Variants in SGSM3 observed in about 807,000 individuals in gnomAD.
SGSM3 encodes the protein RUN and SH3 containing 3.
A neutral mutation model predicts 100.5 loss-of-function variants in SGSM3; 96 were observed. The ratio of observed to expected loss-of-function variants is 0.96; its 90% CI spans 0.81 to 1.13. The LOEUF (loss-of-function observed/expected upper bound fraction) is 1.13, where lower values mean the gene tolerates loss of function less well. Ranked by LOEUF, SGSM3 falls within the 50% of genes most tolerant of loss-of-function variation. SGSM3 has a pLI of 0.00. For missense variants in SGSM3, 1,001 were observed against 1,015.8 expected (o/e 0.99, Z 0.20); for synonymous variants, 483 against 422.8 (o/e 1.14, Z -1.75).
intron 1 of SGSM3, among the ~76,000 whole-genome samples, chr22:40,397,274 A>G (rs2050166813): frequency 6.6e-6 from 1 of 152,162 alleles, no homozygotes; most frequent in Non-Finnish European, 1.5e-5. Context: ...CAGACTCTAT[A>G]TCCAGAATCT....
At chr22:40,384,444 C>A (rs899894347) in intron 1 of SGSM3, among the ~76,000 whole-genome samples, 1 of 151,970 alleles carries the variant, frequency 6.6e-6, no homozygotes, top group Non-Finnish European at 1.5e-5. Flanking sequence ...TAGGGAGACC[C>A]CCATCTCCAA....
intron 3 of SGSM3, 30 bp from the exon 4 acceptor site, chr22:40,402,109 C>A: frequency 6.3e-7 from 1 of 1,577,194 alleles, no homozygotes; most frequent in Non-Finnish European, 8.7e-7. Flanking sequence ...AGGGGACAGG[C>A]AACTGACTTC....
At chr22:40,395,599 G>T (rs2049938727) in intron 1 of SGSM3, among the ~76,000 whole-genome samples, 1 of 152,306 alleles carries the variant, frequency 6.6e-6, no homozygotes, top group South Asian at 2.1e-4. Context: ...TGGGATTACA[G>T]GTATGAGCCA....
At chr22:40,380,291 A>G (rs960596222) in intron 1 of SGSM3, among the ~76,000 whole-genome samples, 6 of 151,958 alleles carry the variant, frequency 3.9e-5, no homozygotes, top group African/African-American at 1.5e-4. Flanking sequence ...ATCAGTAAAC[A>G]TTCTGGCATT....
At chr22:40,406,369 G>T in intron 9 of SGSM3, 69 bp from the exon 10 acceptor site, 1 of 1,494,898 alleles carries the variant, frequency 6.7e-7, no homozygotes, top group East Asian at 2.4e-5. Flanking sequence ...GATGGGGGTT[G>T]GGGTCAGCTC....
chr22:40,375,713 TCTCTAGATATCTAA>T (rs1222789777), intron 1 of SGSM3, among the ~76,000 whole-genome samples: 1 of 151,936 alleles, frequency 6.6e-6, no homozygotes, highest in African/African-American at 2.4e-5. Context: ...TTCTCACCCT[TCTCTAGATATCTAA>T]TTAGCCTGCA....
intron 1 of SGSM3, among the ~76,000 whole-genome samples, chr22:40,371,468 TA>T (rs1462772486): frequency 2.6e-5 from 4 of 152,216 alleles, no homozygotes; most frequent in African/African-American, 9.6e-5. Flanking sequence ...TCTTTCTTAG[TA>T]AATTCAAGTC....
intron 1 of SGSM3, among the ~76,000 whole-genome samples, chr22:40,379,923 G>T (rs956018484): frequency 6.6e-6 from 1 of 152,032 alleles, no homozygotes; most frequent in African/African-American, 2.4e-5. Flanking sequence ...GTTGCCCAGG[G>T]TGGTCTCAAA....
At chr22:40,382,536 A>G (rs964901921) in intron 1 of SGSM3, among the ~76,000 whole-genome samples, 3 of 152,094 alleles carry the variant, frequency 2.0e-5, no homozygotes, top group African/African-American at 7.2e-5. Flanking sequence ...GGTGTGTTCT[A>G]AGAGCTAACC....
Position 40,404,434 on chromosome 22 carries a change from C to T in SGSM3, c.345C>T (p.Ile115=). The T allele has an allele frequency of 6.2e-7, 1 of 1,604,930 alleles. No individual in the cohort carries two copies. Among genetic ancestry groups the T allele is most frequent in the Non-Finnish European group, 8.5e-7 (1 of 1,174,932 alleles). The change falls in exon 5 of 22, where the codon ATC becomes ATT. Residue 115 remains isoleucine (I), a synonymous_variant. Transcript: ENST00000248929. ...TCCGCTCCCTGGTGCTGGCCGGCAT[C>T]CCACATGGCATGAGGCCACAGGTAA... ...EKLRSLVLAG[I]PHGMRPQLWM...
Position 40,409,238 on chromosome 22 carries a change from C to A in SGSM3, c.1989-12C>A. ...AGCTGCCCCTGCTCCCCACTCCTGG[C>A]CATGTCCCCAGTGAGCAGGTGCTGC... On this transcript the variant is annotated splice_polypyrimidine_tract_variant and intron_variant, in intron 19 of 21. Transcript: ENST00000248929. The A allele has an allele frequency of 6.3e-7, 1 of 1,594,630 alleles. No homozygotes were observed. Among genetic ancestry groups the A allele is most frequent in the Non-Finnish European group, 8.5e-7 (1 of 1,173,424 alleles).
intron 1 of SGSM3, among the ~76,000 whole-genome samples, chr22:40,371,200 G>A (rs1601622347): frequency 6.6e-6 from 1 of 152,244 alleles, no homozygotes; most frequent in Non-Finnish European, 1.5e-5. Context: ...TAGCACGGGG[G>A]AAACTGAGGC....
intron 6 of SGSM3, 139 bp from the exon 7 acceptor site, chr22:40,405,002 G>T: frequency 8.4e-7 from 1 of 1,190,484 alleles, no homozygotes. Flanking sequence ...GCTGGGAGCT[G>T]ACCCTGAAGG....
At chr22:40,409,120 A>AG in intron 19 of SGSM3, 102 bp downstream of exon 19, 1 of 1,554,132 alleles carries the variant, frequency 6.4e-7, no homozygotes. Context: ...AAAGAACCTC[A>AG]GGGGCTCAGG....
At chr22:40,395,753 G>A (rs2049962414) in intron 1 of SGSM3, among the ~76,000 whole-genome samples, 1 of 152,184 alleles carries the variant, frequency 6.6e-6, no homozygotes, top group Admixed American at 6.5e-5. Context: ...CTTGCCTGTG[G>A]CCACTCCCAT....
chr22:40,376,392 G>A (rs1272196633), intron 1 of SGSM3: 1 of 151,708 alleles, frequency 6.6e-6, no homozygotes, highest in African/African-American at 2.4e-5. Context: ...GGGCTCAAGA[G>A]GTCCTCCTGC....
At chr22:40,381,189 C>G (rs1016723198) in intron 1 of SGSM3, among the ~76,000 whole-genome samples, 8 of 151,212 alleles carry the variant, frequency 5.3e-5, no homozygotes, top group African/African-American at 1.9e-4. Context: ...ATTCTGTTGC[C>G]CAGGTTGGAG....
At chr22:40,393,264 C>A (rs746354749) in intron 1 of SGSM3, among the ~76,000 whole-genome samples, 1 of 152,174 alleles carries the variant, frequency 6.6e-6, no homozygotes, top group East Asian at 1.9e-4. Context: ...CTAAGAGGCG[C>A]GTGCCACCAC....
Position 40,408,065 on chromosome 22 carries a change from C to T in SGSM3, c.1580-6C>T, listed in dbSNP as rs1437686651. The T allele has an allele frequency of 6.2e-7, 1 of 1,613,430 alleles. No homozygotes were observed. Among genetic ancestry groups the T allele is most frequent in the Admixed American group, 1.7e-5 (1 of 59,976 alleles). ...TTGCTCCTTACAGGGCCTGTTTTTC[C>T]CACAGGCTGGTTTCCAGCCAAGTTC... On this transcript the variant is annotated splice_region_variant and splice_polypyrimidine_tract_variant and intron_variant, in intron 14 of 21. Transcript: ENST00000248929.
Sources: gnomAD v4.1 joint callset for allele counts (sites outside exome capture counted in the v4.1 genomes callset) on GRCh38, gnomAD v4.1.1 for gene constraint, MANE v1.5 for transcripts, NCBI Gene and HGNC (gene_info 2026-07-23, HGNC 2026-07-21) for gene names.